MEIG1: variants seen among roughly 807,000 people sequenced by gnomAD.
MEIG1 encodes the protein meiosis expressed gene 1 protein homolog.
Under a neutral mutation model 11.3 loss-of-function variants are expected in MEIG1, and 12 were observed. The observed-to-expected ratio is 1.07, with a 90% CI of 0.68 to 1.73. MEIG1 has a LOEUF of 1.73. Ranked by LOEUF, MEIG1 falls within the 40% of genes most tolerant of loss-of-function variation. The pLI, the probability that MEIG1 is intolerant of heterozygous loss-of-function variation, is 0.00. For synonymous variants in MEIG1, 41 were observed against 33.2 expected, an observed-to-expected ratio of 1.24 and a Z score of -0.81; for missense variants, 119 against 104.9, an observed-to-expected ratio of 1.13 and a Z score of -0.59.
chr10:14,961,638 A>ATTTTTGTTTTTTTT (rs1843013996), intron 1 of MEIG1, among the ~76,000 whole-genome samples: 1 of 76,594 alleles, frequency 1.3e-5, no homozygotes, highest in Non-Finnish European at 2.6e-5. Flanking sequence ...CATCCGGCTA[A>ATTTTTGTTTTTTTT]TTTTTTTTTT....
At chr10:14,975,655 T>A (rs1325795062), downstream of MEIG1, among the ~76,000 whole-genome samples, 10 of 152,174 alleles carry the variant, frequency 6.6e-5, no homozygotes, top group East Asian at 7.7e-4. Context: ...ACAGCCCCCC[T>A]GTGATATGAT....
At chr10:14,977,054 C>A (rs1229648027), downstream of MEIG1, among the ~76,000 whole-genome samples, 1 of 151,874 alleles carries the variant, frequency 6.6e-6, no homozygotes, top group Non-Finnish European at 1.5e-5. Flanking sequence ...AATGTCCTAG[C>A]GCAATTTTAC....
exon 2 of MEIG1, chr10:14,986,810 C>G: frequency 2.8e-6 from 1 of 354,326 alleles, no homozygotes; most frequent in South Asian, 2.3e-5. Context: ...GGGGTTTCAC[C>G]ATGTTGGCCA....
At chr10:14,977,812 A>G (rs144610860), downstream of MEIG1, among the ~76,000 whole-genome samples, 67 of 152,040 alleles carry the variant, frequency 4.4e-4, no homozygotes, top group African/African-American at 1.4e-3. Flanking sequence ...CCATGTGTGT[A>G]CACTCTGTGA....
chr10:14,960,762 C>G (rs1444628781), intron 1 of MEIG1, among the ~76,000 whole-genome samples: 1 of 151,978 alleles, frequency 6.6e-6, no homozygotes, highest in Non-Finnish European at 1.5e-5. Flanking sequence ...CGTGGTGGCT[C>G]ACCCCTGTAA....
downstream of MEIG1, among the ~76,000 whole-genome samples, chr10:14,975,517 T>C (rs1159784504): frequency 6.6e-6 from 1 of 152,080 alleles, no homozygotes; most frequent in Non-Finnish European, 1.5e-5. Flanking sequence ...CTATTGTTGC[T>C]ATTATCCAGA....
At chr10:14,976,451 G>A (rs1398157272), downstream of MEIG1, among the ~76,000 whole-genome samples, 2 of 151,940 alleles carry the variant, frequency 1.3e-5, no homozygotes, top group Admixed American at 6.6e-5. Context: ...ATTGTCACAC[G>A]GGCTATGTTC....
intron 1 of MEIG1, among the ~76,000 whole-genome samples, chr10:14,982,913 GA>G (rs1338443921): frequency 6.6e-6 from 1 of 151,926 alleles, no homozygotes; most frequent in Non-Finnish European, 1.5e-5. Flanking sequence ...TTATTCATTA[GA>G]AAACAGTCAT....
intron 1 of MEIG1, among the ~76,000 whole-genome samples, chr10:14,963,692 C>T (rs190327018): frequency 7.9e-5 from 12 of 152,220 alleles, no homozygotes; most frequent in Admixed American, 7.2e-4. Context: ...GGACCGGGTG[C>T]GGTGGCTTAC....
intron 1 of MEIG1, among the ~76,000 whole-genome samples, chr10:14,985,933 T>G (rs540914869): frequency 3.5e-4 from 54 of 152,230 alleles, no homozygotes; most frequent in Admixed American, 7.9e-4. Context: ...GATATTAGTC[T>G]TAATATCCAG....
intron 1 of MEIG1, 108 bp from the exon 2 acceptor site, chr10:14,966,332 G>A (rs928579151): frequency 1.6e-6 from 1 of 608,982 alleles, no homozygotes; most frequent in Non-Finnish European, 2.6e-6. Flanking sequence ...AAAGTGCTGG[G>A]ATTACAGGTG....
At chr10:14,963,572 T>G (rs952911835) in intron 1 of MEIG1, among the ~76,000 whole-genome samples, 3 of 152,186 alleles carry the variant, frequency 2.0e-5, no homozygotes, top group Non-Finnish European at 4.4e-5. Flanking sequence ...AGTAGTGAAC[T>G]TCCCACTAGA....
At chr10:14,957,165 T>G (rs1272381558), upstream of MEIG1, among the ~76,000 whole-genome samples, 2 of 152,212 alleles carry the variant, frequency 1.3e-5, no homozygotes, top group Non-Finnish European at 2.9e-5. Flanking sequence ...TATCAGTGTT[T>G]TATACTCATT....
At chr10:14,958,619 G>C (rs564064898), upstream of MEIG1, among the ~76,000 whole-genome samples, 1 of 152,118 alleles carries the variant, frequency 6.6e-6, no homozygotes, top group Admixed American at 6.6e-5. Flanking sequence ...TAAATTGGCC[G>C]GGCGCGGTGG....
At chr10:14,986,084 G>A (rs939282173) in intron 1 of MEIG1, among the ~76,000 whole-genome samples, 7 of 152,100 alleles carry the variant, frequency 4.6e-5, no homozygotes, top group Admixed American at 3.9e-4. Flanking sequence ...TATATCCTAG[G>A]GAGGTATTAA....
rs773401865 is a variant in MEIG1, at chr10:14,972,619, A to C, written c.245A>C (p.Lys82Thr). 6.2e-7 allele frequency: 1 copy of C among 1,611,764 alleles called. No homozygotes were observed. Among genetic ancestry groups the C allele is most frequent in the Admixed American group, 1.7e-5 (1 of 59,622 alleles). ...QRECDDKEVH[K>T]VKIYAY ...GAATGTGATGACAAAGAAGTCCACA[A>C]AGTGAAAATTTATGCTTACTAGCCT... Residue 82 changes from lysine to threonine, a missense_variant, in exon 3 of 3, where the codon AAA (lysine) becomes ACA (threonine). Physicochemically the swap from Lys to Thr is moderately conservative, Grantham distance 78. Coordinates refer to ENST00000407572, the MANE Select transcript of MEIG1 (RefSeq NM_001080836.3).
intron 1 of MEIG1, among the ~76,000 whole-genome samples, chr10:14,964,585 G>GTGTGTATATATATATATA (rs1378376059): frequency 1.1e-4 from 10 of 93,040 alleles, no homozygotes; most frequent in African/African-American, 3.9e-4. Context: ...GTGTGTGTGT[G>GTGTGTATATATATATATA]TATATATATA....
intron 1 of MEIG1, among the ~76,000 whole-genome samples, chr10:14,978,430 GT>G (rs1843232480): frequency 6.6e-6 from 1 of 151,716 alleles, no homozygotes. Flanking sequence ...AAAGGCGTGT[GT>G]TCCCCCCATG....
downstream of MEIG1, among the ~76,000 whole-genome samples, chr10:14,975,185 A>G (rs1843197613): frequency 6.6e-6 from 1 of 152,100 alleles, no homozygotes; most frequent in Non-Finnish European, 1.5e-5. Context: ...ATCACAGGAA[A>G]TGTACACCCT....
Sources: gnomAD v4.1 joint callset for allele counts (sites outside exome capture counted in the v4.1 genomes callset) on GRCh38, gnomAD v4.1.1 for gene constraint, MANE v1.5 for transcripts, NCBI Gene and HGNC (gene_info 2026-07-23, HGNC 2026-07-21) for gene names.